Variants in BAZ2B observed in about 807,000 individuals in gnomAD.
BAZ2B encodes bromodomain adjacent to zinc finger domain 2B, also known as bromodomain adjacent to zinc finger domain protein 2B.
In BAZ2B, 91 loss-of-function variants were observed where a neutral mutation model predicts 246.0. The observed-to-expected ratio is 0.37, with a 90% CI of 0.31 to 0.44. The LOEUF is 0.44. Ranked by LOEUF, BAZ2B falls within the 20% of genes least tolerant of loss-of-function variation. BAZ2B has a pLI of 1.00. For missense variants in BAZ2B, 2,332 were observed against 2,533.7 expected, an observed-to-expected ratio of 0.92 and a Z score of 1.71; for synonymous variants, 855 against 860.0, an observed-to-expected ratio of 0.99 and a Z score of 0.10.
At chr2:159,474,854 T>G (rs947811424) in intron 3 of BAZ2B, among the ~76,000 whole-genome samples, 11 of 152,192 alleles carry the variant, frequency 7.2e-5, no homozygotes, top group African/African-American at 2.7e-4. Context: ...GATTGAAAAT[T>G]CTTTTCTTTA....
At chr2:159,551,939 T>C (rs1261142785) in intron 2 of BAZ2B, among the ~76,000 whole-genome samples, 1 of 152,118 alleles carries the variant, frequency 6.6e-6, no homozygotes, top group Non-Finnish European at 1.5e-5. Flanking sequence ...TTATCCCTAC[T>C]CTAGAAAAGA....
At position 159,574,736 on chromosome 2, in the gene BAZ2B, G is replaced by A. The variant is rs548238117; in HGVS notation, c.-45-18871C>T. Among the ~76,000 whole-genome samples the A allele has an allele frequency of 2.2e-4, 33 of 151,952 alleles. 1 individual carries two copies. Among genetic ancestry groups the A allele is most frequent in the African/African-American group, 7.0e-4 (29 of 41,424 alleles). On this transcript the variant is annotated intron_variant, in intron 1 of 36. Transcript: ENST00000392783. ...CGCGGTGGCTCACGCCTGTAATCCC[G>A]GCACTTTGGGAGGCTGAGGCAGGTG...
chr2:159,630,081 G>A, the BAZ2B span, among the ~76,000 whole-genome samples: 2 of 152,158 alleles, frequency 1.3e-5, no homozygotes, highest in South Asian at 4.1e-4. Context: ...TACAGTATGT[G>A]GGTATCTCAT....
chr2:159,427,569 T>TTATAA (rs1491096048), intron 13 of BAZ2B, among the ~76,000 whole-genome samples: 1 of 152,160 alleles, frequency 6.6e-6, no homozygotes, highest in Admixed American at 6.5e-5. Context: ...TTGGACTGAC[T>TTATAA]TATAATAATA....
chr2:159,551,427 C>T (rs952156555), intron 2 of BAZ2B, among the ~76,000 whole-genome samples: 1 of 144,340 alleles, frequency 6.9e-6, no homozygotes, highest in Non-Finnish European at 1.5e-5. Flanking sequence ...CAAGACTACA[C>T]CACTGCACTC....
intron 1 of BAZ2B, among the ~76,000 whole-genome samples, chr2:159,594,613 A>G (rs1045200765): frequency 2.0e-5 from 3 of 148,040 alleles, no homozygotes; most frequent in Non-Finnish European, 4.4e-5. Context: ...GTTCAAGTAA[A>G]TTGAGTCATT....
chr2:159,396,260 G>A (rs114276606), intron 19 of BAZ2B: 2,143 of 152,866 alleles, frequency 0.014, 35 homozygotes, highest in Middle Eastern at 0.071. Flanking sequence ...TTTTAGATCA[G>A]GAAGAAATTG....
intron 27 of BAZ2B, among the ~76,000 whole-genome samples, chr2:159,351,617 C>G (rs186081744): frequency 2.1e-3 from 321 of 152,220 alleles, no homozygotes; most frequent in African/African-American, 7.0e-3. Flanking sequence ...CTCAATGAAA[C>G]TGGATGCTGT....
At chr2:159,560,586 TC>T (rs1290893278) in intron 1 of BAZ2B, among the ~76,000 whole-genome samples, 1 of 151,838 alleles carries the variant, frequency 6.6e-6, no homozygotes, top group African/African-American at 2.4e-5. Context: ...TTTTTTTTTT[TC>T]GAGACAGAGT....
intron 2 of BAZ2B, among the ~76,000 whole-genome samples, chr2:159,533,657 A>G (rs1377612392): frequency 6.6e-6 from 1 of 152,200 alleles, no homozygotes; most frequent in Non-Finnish European, 1.5e-5. Flanking sequence ...GATTTTCACC[A>G]AACAAGTATA....
At chr2:159,493,314 A>G (rs2080709141) in intron 2 of BAZ2B, among the ~76,000 whole-genome samples, 1 of 152,254 alleles carries the variant, frequency 6.6e-6, no homozygotes, top group Admixed American at 6.5e-5. Context: ...CTCAACAGCT[A>G]TCACATCATT....
rs530540851 is a variant in BAZ2B at position 159,598,114 on chromosome 2, C to T, written c.-46+18128G>A. ...GCTCAAGCGATTCTCCTGCCTCAGC[C>T]TCCCGAGTAGCTAGTACTATAGGCG... is the stretch of plus-strand genomic sequence containing the variant. On this transcript the variant is annotated intron_variant, in intron 1 of 36. Coordinates refer to ENST00000392783, the MANE Select transcript of BAZ2B (RefSeq NM_013450.4). Among the ~76,000 whole-genome samples, 23 of 152,202 alleles carry T rather than the reference C, an allele frequency of 1.5e-4. No individual in the cohort carries two copies. In the East Asian group the frequency reaches 4.4e-3, roughly 29 times the overall value.
At chr2:159,543,237 C>G (rs954920024) in intron 2 of BAZ2B, among the ~76,000 whole-genome samples, 2 of 152,116 alleles carry the variant, frequency 1.3e-5, no homozygotes, top group African/African-American at 4.8e-5. Flanking sequence ...GAAACAAACA[C>G]TGACTATTGA....
At chr2:159,488,255 T>C (rs1329076199) in intron 2 of BAZ2B, among the ~76,000 whole-genome samples, 1 of 152,086 alleles carries the variant, frequency 6.6e-6, no homozygotes, top group East Asian at 1.9e-4. Context: ...GTATTTTTAA[T>C]AGACACAGGA....
intron 1 of BAZ2B, among the ~76,000 whole-genome samples, chr2:159,604,911 G>A (rs1693043401): frequency 6.7e-6 from 1 of 150,248 alleles, no homozygotes; most frequent in South Asian, 2.1e-4. Context: ...TAAATCTAAA[G>A]AACTGAAAAG....
chr2:159,547,335 T>C (rs1227092364), intron 2 of BAZ2B, among the ~76,000 whole-genome samples: 2 of 152,174 alleles, frequency 1.3e-5, no homozygotes, highest in Non-Finnish European at 2.9e-5. Context: ...TTTTTTAACA[T>C]TCATGACTCG....
At chr2:159,692,483 G>A in the BAZ2B span, among the ~76,000 whole-genome samples, 2 of 151,918 alleles carry the variant, frequency 1.3e-5, no homozygotes, top group African/African-American at 2.4e-5. Flanking sequence ...ATATTTCTAG[G>A]CTATGTGGTT....
chr2:159,669,149 TATTTTC>T, the BAZ2B span, among the ~76,000 whole-genome samples: 3 of 152,246 alleles, frequency 2.0e-5, no homozygotes, highest in African/African-American at 7.2e-5. Context: ...TGATCTGTTG[TATTTTC>T]ATTATCATTC....
chr2:159,663,127 T>G, the BAZ2B span, among the ~76,000 whole-genome samples: 308 of 152,234 alleles, frequency 2.0e-3, 1 homozygote, highest in Middle Eastern at 0.017. Context: ...TTTTTGATGG[T>G]GACCCTAGGA....
Sources: allele counts gnomAD v4.1 joint callset (sites outside exome capture counted in the v4.1 genomes callset), GRCh38; gene constraint gnomAD v4.1.1; transcripts MANE v1.5; gene names NCBI Gene and HGNC (gene_info 2026-07-23, HGNC 2026-07-21).